NCOA1: variants seen among roughly 807,000 people sequenced by gnomAD.
NCOA1 encodes nuclear receptor coactivator 1.
NCOA1 carries 35 observed loss-of-function variants against 150.9 expected under a neutral mutation model. The ratio of observed to expected loss-of-function variants is 0.23; its 90% CI spans 0.18 to 0.31. The LOEUF (loss-of-function observed/expected upper bound fraction) is 0.31, where lower values mean the gene tolerates loss of function less well. Ranked by LOEUF, NCOA1 falls within the 10% of genes least tolerant of loss-of-function variation. NCOA1 has a pLI of 1.00. For missense variants in NCOA1, 1,491 were observed against 1,749.3 expected (o/e 0.85, Z 2.63); for synonymous variants, 590 against 630.0 (o/e 0.94, Z 0.95).
At chr2:24,737,947 T>G (rs1321789405) in intron 17 of NCOA1, among the ~76,000 whole-genome samples, 1 of 152,236 alleles carries the variant, frequency 6.6e-6, no homozygotes, top group Admixed American at 6.5e-5. Context: ...CTTTCAAGTT[T>G]AAGAAGTATA....
At chr2:24,604,493 C>G (rs1668269520) in intron 3 of NCOA1, among the ~76,000 whole-genome samples, 1 of 152,246 alleles carries the variant, frequency 6.6e-6, no homozygotes, top group African/African-American at 2.4e-5. Context: ...GGATAACTTG[C>G]TGCAGTATGT....
chr2:24,503,838 G>T (rs542580290), intron 1 of NCOA1, among the ~76,000 whole-genome samples: 3 of 151,274 alleles, frequency 2.0e-5, no homozygotes, highest in Admixed American at 1.3e-4. Context: ...GGGTTCAAGC[G>T]ATTCTCCTGT....
At chr2:24,527,867 G>GT (rs1220899038) in intron 1 of NCOA1, among the ~76,000 whole-genome samples, 9 of 152,040 alleles carry the variant, frequency 5.9e-5, no homozygotes, top group Admixed American at 5.2e-4. Flanking sequence ...ATCCTAATTG[G>GT]TTTAAGGTGA....
chr2:24,656,066 C>T (rs1038900513), intron 4 of NCOA1, among the ~76,000 whole-genome samples: 5 of 130,310 alleles, frequency 3.8e-5, no homozygotes, highest in Non-Finnish European at 6.2e-5. Context: ...CCAGCCTGGG[C>T]GACAGAGCGA....
Position 24,707,721 on chromosome 2 carries a change from T to C in NCOA1, c.2251T>C (p.Tyr751His). 6.2e-7 allele frequency: 1 copy of C among 1,614,052 alleles called. No homozygotes were observed. Among genetic ancestry groups the C allele is most frequent in the Non-Finnish European group, 8.5e-7 (1 of 1,179,868 alleles). Residue 751 changes from tyrosine (Y) to histidine (H), a missense_variant, in exon 13 of 23, where the codon TAT (tyrosine) becomes CAT (histidine). Tyr to His is a moderately conservative substitution (Grantham distance 83). Around this residue, in one of 8 missense-constraint regions of NCOA1, gnomAD observed 703 missense variants for 717.7 expected, o/e 0.98. Transcript: ENST00000348332. The part of the protein sequence containing the change: ...KESKDHQLLR[Y>H]LLDKDEKDLR... ...ATCAAAAGACCATCAGCTCCTACGCTATCTTTTAGATAAAGATGAGAAAGA... is the reference window on the plus strand; with the variant it reads ...ATCAAAAGACCATCAGCTCCTACGCCATCTTTTAGATAAAGATGAGAAAGA...
At chr2:24,694,350 G>A (rs1277742699) in intron 10 of NCOA1, among the ~76,000 whole-genome samples, 1 of 152,082 alleles carries the variant, frequency 6.6e-6, no homozygotes, top group Non-Finnish European at 1.5e-5. Context: ...TTAAAATAGA[G>A]ATAAATATTA....
chr2:24,702,995 T>C (rs1337312630), intron 11 of NCOA1, among the ~76,000 whole-genome samples: 2 of 152,228 alleles, frequency 1.3e-5, no homozygotes, highest in East Asian at 3.8e-4. Flanking sequence ...ACTATGTGTG[T>C]GACTCAGAAC....
intron 1 of NCOA1, among the ~76,000 whole-genome samples, chr2:24,541,206 T>C (rs1190362417): frequency 6.6e-6 from 1 of 152,186 alleles, no homozygotes; most frequent in East Asian, 1.9e-4. Context: ...GAAGAATGAA[T>C]ATACTGTGAG....
chr2:24,617,622 C>T (rs923207968), intron 3 of NCOA1, among the ~76,000 whole-genome samples: 7 of 152,052 alleles, frequency 4.6e-5, no homozygotes, highest in African/African-American at 4.8e-5. Flanking sequence ...TTAATGTGTA[C>T]GTAACTGAGT....
At chr2:24,505,603 T>A (rs1340456764) in intron 1 of NCOA1, among the ~76,000 whole-genome samples, 1 of 152,226 alleles carries the variant, frequency 6.6e-6, no homozygotes, top group Non-Finnish European at 1.5e-5. Flanking sequence ...GAAGACTTTT[T>A]TTTATGGTAG....
intron 3 of NCOA1, among the ~76,000 whole-genome samples, chr2:24,594,376 G>A (rs1163588406): frequency 6.6e-6 from 1 of 152,044 alleles, no homozygotes; most frequent in Non-Finnish European, 1.5e-5. Flanking sequence ...GTTCCTGATG[G>A]GGGTATTGCT....
At chr2:24,589,628 GT>G (rs1387986847) in intron 3 of NCOA1, among the ~76,000 whole-genome samples, 7 of 87,338 alleles carry the variant, frequency 8.0e-5, no homozygotes, top group African/African-American at 3.0e-4. Context: ...AAAGAGGTTG[GT>G]GGTGTGTGTG....
At chr2:24,503,589 C>T (rs548828280) in intron 1 of NCOA1, among the ~76,000 whole-genome samples, 1 of 152,268 alleles carries the variant, frequency 6.6e-6, no homozygotes, top group South Asian at 2.1e-4. Flanking sequence ...TGCTATAAAT[C>T]ATACATGAAT....
intron 8 of NCOA1, among the ~76,000 whole-genome samples, chr2:24,683,909 A>G (rs1022773636): frequency 6.6e-6 from 1 of 151,530 alleles, no homozygotes; most frequent in Admixed American, 6.6e-5. Context: ...TCCATTTTAG[A>G]TTTTTTGTTA....
At chr2:24,636,824 G>A (rs1382736579) in intron 3 of NCOA1, among the ~76,000 whole-genome samples, 3 of 151,928 alleles carry the variant, frequency 2.0e-5, no homozygotes, top group Admixed American at 6.6e-5. Flanking sequence ...TCATGAATGG[G>A]TGCTGATTTT....
At chr2:24,715,471 T>C (rs1038825602) in intron 14 of NCOA1, among the ~76,000 whole-genome samples, 1 of 152,134 alleles carries the variant, frequency 6.6e-6, no homozygotes, top group Admixed American at 6.5e-5. Context: ...CAGAAAAATA[T>C]TCTATAAGTG....
chr2:24,680,515 T>C (rs1672114961), intron 7 of NCOA1, among the ~76,000 whole-genome samples: 1 of 152,102 alleles, frequency 6.6e-6, no homozygotes. Context: ...ATGTGGGATC[T>C]AAAAAAGTCA....
chr2:24,544,963 A>T (rs1467755726), intron 1 of NCOA1, among the ~76,000 whole-genome samples: 2 of 152,206 alleles, frequency 1.3e-5, no homozygotes, highest in Non-Finnish European at 2.9e-5. Flanking sequence ...GTGGTACTGA[A>T]TTAGAGTTTG....
chr2:24,660,473 TAC>T (rs1404116250), intron 5 of NCOA1, among the ~76,000 whole-genome samples: 5 of 152,032 alleles, frequency 3.3e-5, no homozygotes, highest in African/African-American at 1.2e-4. Flanking sequence ...TTTATATATA[TAC>T]ACACACAGGT....
Sources: allele counts gnomAD v4.1 joint callset (sites outside exome capture counted in the v4.1 genomes callset), GRCh38; gene constraint gnomAD v4.1.1; regional missense constraint gnomAD v4.1.1; transcripts MANE v1.5; gene names NCBI Gene and HGNC (gene_info 2026-07-23, HGNC 2026-07-21).